AHI1: variants seen among roughly 807,000 people sequenced by gnomAD.
AHI1 encodes the protein Abelson helper integration site 1, also known as jouberin.
In AHI1, 123 loss-of-function variants were observed where a neutral mutation model predicts 149.3. That is an observed-to-expected ratio of 0.82 (90% CI 0.71 to 0.96). The LOEUF is 0.96. Ranked by LOEUF, AHI1 falls within the 40% of genes least tolerant of loss-of-function variation. AHI1 has a pLI of 0.00. For synonymous variants in AHI1, 475 were observed against 459.8 expected, an observed-to-expected ratio of 1.03 and a Z score of -0.42; for missense variants, 1,439 against 1,422.7, an observed-to-expected ratio of 1.01 and a Z score of -0.18.
At position 135,482,841 on chromosome 6, in the gene AHI1, G is replaced by A. The variant is rs80001359; in HGVS notation, c.135+7782C>T. 4.7e-4 allele frequency among the ~76,000 whole-genome samples: 67 copies of A among 142,196 alleles called. No individual in the cohort carries two copies. The East Asian group carries it at 0.011, about 24-fold the overall frequency. The allele number at this position is 142,196 out of a possible 152,430, so 93.3% of individuals were successfully genotyped here. A position where few individuals can be genotyped will look rare whatever the true frequency, so the allele number is the denominator to read the frequency against. On this transcript the variant is annotated intron_variant, in intron 5 of 28. Transcript: ENST00000265602. The stretch of plus-strand genomic sequence containing the variant: ...TTGGGAATCCTTTAAATACTGCTGG[G>A]CTTTGCTCTGGGATACAGTTAAATG...
intron 28 of AHI1, among the ~76,000 whole-genome samples, chr6:135,289,079 A>G (rs1026340780): frequency 6.6e-6 from 1 of 151,896 alleles, no homozygotes; most frequent in African/African-American, 2.4e-5. Context: ...GTCTGTTGCC[A>G]TTTATATTTA....
Position 135,493,775 on chromosome 6 carries a change from G to A in AHI1, c.-54-1484C>T, listed in dbSNP as rs368864191. Among the ~76,000 whole-genome samples, 12 of 152,174 alleles carry A rather than the reference G, an allele frequency of 7.9e-5. 1 individual carries two copies. Among genetic ancestry groups the A allele is most frequent in the East Asian group, 1.9e-4 (1 of 5,188 alleles). On this transcript the variant is annotated intron_variant, in intron 3 of 28. Coordinates refer to ENST00000265602, the MANE Select transcript of AHI1 (RefSeq NM_001134831.2). ...AAAAAAAAGCCTGCTGGGCGCCGTG[G>A]CTCATGTCTGTAATCCCAATACTTG...
intron 4 of AHI1, among the ~76,000 whole-genome samples, chr6:135,491,830 T>A (rs1221478724): frequency 2.0e-5 from 3 of 152,246 alleles, no homozygotes; most frequent in Non-Finnish European, 4.4e-5. Flanking sequence ...GCTTTCATGC[T>A]TTAAAAGAGA....
At chr6:135,480,583 C>T (rs757412213) in intron 5 of AHI1, among the ~76,000 whole-genome samples, 1 of 152,168 alleles carries the variant, frequency 6.6e-6, no homozygotes, top group Non-Finnish European at 1.5e-5. Context: ...AAAATTTAGT[C>T]CTTAATTTGG....
intron 5 of AHI1, among the ~76,000 whole-genome samples, chr6:135,477,035 CTCT>C (rs951816910): frequency 4.6e-5 from 7 of 151,014 alleles, no homozygotes; most frequent in African/African-American, 7.3e-5. Context: ...TCTCTTTGTC[CTCT>C]TTTTTTTTTT....
intron 20 of AHI1, among the ~76,000 whole-genome samples, chr6:135,413,115 G>A (rs374831621): frequency 9.9e-5 from 15 of 152,086 alleles, no homozygotes; most frequent in African/African-American, 3.6e-4. Context: ...GATCACTTGA[G>A]CCTAGGAGTT....
intron 25 of AHI1, among the ~76,000 whole-genome samples, chr6:135,318,883 T>C (rs1364151255): frequency 6.6e-6 from 1 of 152,234 alleles, no homozygotes; most frequent in African/African-American, 2.4e-5. Context: ...GTCAGACAGA[T>C]GCTTATTTTA....
At chr6:135,359,479 C>T (rs1160580773) in intron 23 of AHI1, among the ~76,000 whole-genome samples, 1 of 152,012 alleles carries the variant, frequency 6.6e-6, no homozygotes, top group Non-Finnish European at 1.5e-5. Flanking sequence ...TAGAGTAACA[C>T]CAGTTTTGGG....
chr6:135,414,225 T>A (rs1782017589), intron 20 of AHI1, among the ~76,000 whole-genome samples: 1 of 152,168 alleles, frequency 6.6e-6, no homozygotes, highest in Non-Finnish European at 1.5e-5. Context: ...ACAAATGGTG[T>A]TAGAATAGTT....
chr6:135,363,865 C>G (rs531053390), intron 23 of AHI1, among the ~76,000 whole-genome samples: 2 of 148,250 alleles, frequency 1.3e-5, no homozygotes, highest in South Asian at 2.1e-4. Flanking sequence ...CCTCACCCCC[C>G]GGACGGGGCG....
chr6:135,305,100 T>G (rs1784387111), intron 26 of AHI1: 1 of 152,180 alleles, frequency 6.6e-6, no homozygotes, highest in Non-Finnish European at 1.5e-5. Context: ...TGGATACTGT[T>G]ATCAGCAGAG....
At chr6:135,425,003 ACTTTT>A (rs2128001069) in intron 20 of AHI1, among the ~76,000 whole-genome samples, 1 of 152,116 alleles carries the variant, frequency 6.6e-6, no homozygotes, top group East Asian at 1.9e-4. Context: ...TAAATATTAT[ACTTTT>A]CTTATGGATC....
At chr6:135,367,885 C>T (rs967950323) in intron 23 of AHI1, among the ~76,000 whole-genome samples, 28 of 152,104 alleles carry the variant, frequency 1.8e-4, no homozygotes, top group Non-Finnish European at 3.5e-4. Context: ...GGATCCATTG[C>T]TGGTGAGCTA....
At chr6:135,296,585 G>A (rs578158012) in intron 27 of AHI1, among the ~76,000 whole-genome samples, 248 of 152,262 alleles carry the variant, frequency 1.6e-3, no homozygotes, top group South Asian at 0.011. Flanking sequence ...CTGCACTTGT[G>A]TTCTACATAC....
At chr6:135,443,464 G>C (rs1001699274) in intron 13 of AHI1, among the ~76,000 whole-genome samples, 4 of 152,160 alleles carry the variant, frequency 2.6e-5, no homozygotes, top group Non-Finnish European at 4.4e-5. Context: ...TGTCATGAAA[G>C]TTGTACTTTA....
At chr6:135,364,015 G>A (rs1441980761) in intron 23 of AHI1, among the ~76,000 whole-genome samples, 4 of 149,318 alleles carry the variant, frequency 2.7e-5, no homozygotes, top group African/African-American at 9.9e-5. Context: ...CAGTAGGGGC[G>A]GCCGGGCAGA....
intron 23 of AHI1, among the ~76,000 whole-genome samples, chr6:135,369,104 G>A (rs1774645731): frequency 6.6e-6 from 1 of 152,204 alleles, no homozygotes; most frequent in Non-Finnish European, 1.5e-5. Context: ...TCTTCCCACT[G>A]CTTCCTCTAC....
At chr6:135,290,892 A>G (rs191861947) in intron 27 of AHI1, among the ~76,000 whole-genome samples, 10 of 151,034 alleles carry the variant, frequency 6.6e-5, no homozygotes, top group South Asian at 2.1e-4. Flanking sequence ...AGTTCTATCA[A>G]CTTAGGTGGA....
chr6:135,381,612 G>C (rs1776775783), intron 23 of AHI1, among the ~76,000 whole-genome samples: 2 of 152,290 alleles, frequency 1.3e-5, no homozygotes, highest in South Asian at 4.1e-4. Flanking sequence ...CTCCAAAATA[G>C]ATGATACTGT....
Sources: allele counts gnomAD v4.1 joint callset (sites outside exome capture counted in the v4.1 genomes callset), GRCh38; gene constraint gnomAD v4.1.1; transcripts MANE v1.5; gene names NCBI Gene and HGNC (gene_info 2026-07-23, HGNC 2026-07-21).